The following PSMA8 variants were observed in gnomAD, a reference collection of about 807,000 sequenced individuals.
PSMA8 encodes the protein proteasome 20S subunit alpha 8, also known as proteasome subunit alpha-type 8.
PSMA8 carries 18 observed loss-of-function variants against 32.4 expected under a neutral mutation model. That is an observed-to-expected ratio of 0.56 (90% confidence interval 0.38 to 0.82). PSMA8 has a LOEUF of 0.82. PSMA8 is among the 40% of genes least tolerant of loss of function. The pLI, the probability that PSMA8 is intolerant of heterozygous loss-of-function variation, is 0.00. For missense variants in PSMA8, 298 were observed against 300.7 expected (o/e 0.99, Z 0.07); for synonymous variants, 104 against 98.1 (o/e 1.06, Z -0.36).
At chr18:26,192,211 G>A in intron 6 of PSMA8, 108 bp from the exon 7 acceptor site, 3 of 975,426 alleles carry the variant, frequency 3.1e-6, no homozygotes, top group Non-Finnish European at 4.1e-6. Context: ...AAAATATAAA[G>A]TTGTACATAG....
Position 26,134,144 on chromosome 18 carries a change from C to T in PSMA8, c.102+77C>T, listed in dbSNP as rs554862503. 12 of 1,036,310 alleles carry T rather than the reference C, an allele frequency of 1.2e-5. No individual in the cohort carries two copies. In the South Asian group the frequency reaches 1.3e-4, roughly 11 times the overall value. The allele number at this position is 1,036,310 out of a possible 1,614,324, so 64.2% of individuals were successfully genotyped here. A position where few individuals can be genotyped will look rare whatever the true frequency, so the allele number is the denominator to read the frequency against. ...TCGTTACCCTGCTGCCCCAGCCCACCTTTCCATCCTAGGAGCTCAAGAGAG... is the reference window on the plus strand; with the variant it reads ...TCGTTACCCTGCTGCCCCAGCCCACTTTTCCATCCTAGGAGCTCAAGAGAG... On this transcript the variant is annotated intron_variant, in intron 1 of 6. Transcript: ENST00000415576.
intron 1 of PSMA8, among the ~76,000 whole-genome samples, chr18:26,137,485 G>A (rs2054921486): frequency 6.6e-6 from 1 of 152,180 alleles, no homozygotes; most frequent in South Asian, 2.1e-4. Context: ...GCTTCAGAGA[G>A]TTGATGTGAA....
intron 1 of PSMA8, among the ~76,000 whole-genome samples, chr18:26,137,813 G>A (rs1285692452): frequency 1.3e-5 from 2 of 152,196 alleles, no homozygotes; most frequent in African/African-American, 4.8e-5. Flanking sequence ...AAACCCGAAT[G>A]AGTATTAGAG....
chr18:26,141,713 CTTT>C (rs1011733993), intron 1 of PSMA8, among the ~76,000 whole-genome samples: 2 of 109,994 alleles, frequency 1.8e-5, no homozygotes, highest in Non-Finnish European at 3.6e-5. Context: ...TTTCTTTTTT[CTTT>C]TTTTTTTTTT....
At chr18:26,157,994 A>G in intron 3 of PSMA8, 128 bp from the exon 4 acceptor site, 3 of 656,866 alleles carry the variant, frequency 4.6e-6, no homozygotes, top group Non-Finnish European at 4.9e-6. Context: ...AAGGGTTAGG[A>G]AAAAGATCAT....
At chr18:26,177,525 T>C (rs2055273628) in intron 4 of PSMA8, among the ~76,000 whole-genome samples, 1 of 152,206 alleles carries the variant, frequency 6.6e-6, no homozygotes, top group African/African-American at 2.4e-5. Context: ...AAGTGTTCTG[T>C]TAATATAAAA....
intron 6 of PSMA8, among the ~76,000 whole-genome samples, chr18:26,189,720 A>G (rs560400161): frequency 2.0e-5 from 3 of 152,370 alleles, no homozygotes; most frequent in Admixed American, 6.5e-5. Context: ...TACAACCACC[A>G]TGAAGAATAG....
At chr18:26,155,639 C>A (rs1021184418) in intron 3 of PSMA8, among the ~76,000 whole-genome samples, 3 of 152,126 alleles carry the variant, frequency 2.0e-5, no homozygotes, top group East Asian at 3.8e-4. Context: ...TCACCATATA[C>A]AAAAATCTAC....
At chr18:26,166,850 T>C (rs2055184422) in intron 4 of PSMA8, among the ~76,000 whole-genome samples, 1 of 152,364 alleles carries the variant, frequency 6.6e-6, no homozygotes, top group South Asian at 2.1e-4. Flanking sequence ...GCAAAAATTA[T>C]AATTTTGGAA....
chr18:26,178,985 G>A lies in PSMA8; in HGVS notation c.597+36G>A, dbSNP rs762149268. 4 of 1,605,270 alleles carry A rather than the reference G, an allele frequency of 2.5e-6. No individual in the cohort carries two copies. The East Asian group carries it at 8.9e-5, about 36-fold the overall frequency. ...TAATAAAGCATATTCAGGAAATCAT[G>A]AATTTTTTTTCCTCATCCATTTTTG... On this transcript the variant is annotated intron_variant, in intron 5 of 6. Transcript: ENST00000415576.
Position 26,144,689 on chromosome 18 carries a change from C to T in PSMA8, c.229+4C>T, listed in dbSNP as rs760444970. On this transcript the variant is annotated splice_donor_region_variant and intron_variant, in intron 2 of 6. Coordinates refer to ENST00000415576, the MANE Select transcript of PSMA8 (RefSeq NM_001025096.2). ...CATGTCTGCATGGCTTTTGCAGGTA[C>T]TTAAGGTCCTACAATAATGATGCAT... The T allele has an allele frequency of 6.2e-7, 1 of 1,613,502 alleles. No homozygotes were observed.
intron 2 of PSMA8, among the ~76,000 whole-genome samples, chr18:26,147,210 C>CAAAAAAAAAAAAAAA (rs57358976): frequency 2.1e-5 from 1 of 48,256 alleles, no homozygotes. Flanking sequence ...CACCCTGTCT[C>CAAAAAAAAAAAAAAA]AAAAAAAAAA....
chr18:26,146,344 C>T (rs1053665066), intron 2 of PSMA8, among the ~76,000 whole-genome samples: 1 of 152,004 alleles, frequency 6.6e-6, no homozygotes, highest in Admixed American at 6.6e-5. Context: ...GCTTGGGCAA[C>T]TGAGCAAGAT....
chr18:26,183,496 G>A (rs1466267947), intron 6 of PSMA8, among the ~76,000 whole-genome samples: 1 of 150,834 alleles, frequency 6.6e-6, no homozygotes, highest in Non-Finnish European at 1.5e-5. Flanking sequence ...CAAGACTTTA[G>A]TGGAGGAAGT....
intron 3 of PSMA8, among the ~76,000 whole-genome samples, chr18:26,156,022 G>T (rs2055086012): frequency 6.6e-6 from 1 of 152,094 alleles, no homozygotes; most frequent in Non-Finnish European, 1.5e-5. Flanking sequence ...TGCAAAAGAA[G>T]AAATACAAAT....
At chr18:26,177,719 T>G (rs1282262166) in intron 4 of PSMA8, among the ~76,000 whole-genome samples, 1 of 152,040 alleles carries the variant, frequency 6.6e-6, no homozygotes, top group Non-Finnish European at 1.5e-5. Context: ...TGCTTAAGAG[T>G]CAAAGATGAT....
intron 2 of PSMA8, among the ~76,000 whole-genome samples, chr18:26,147,031 A>G (rs12960532): frequency 0.052 from 7,871 of 151,924 alleles, 226 homozygotes; most frequent in East Asian, 0.12. Flanking sequence ...CACTTAAACA[A>G]TCAGATCTCG....
rs530579898 is a variant in PSMA8 at position 26,141,107 on chromosome 18, C to G, written c.103-3452C>G. On this transcript the variant is annotated intron_variant, in intron 1 of 6. Coordinates refer to ENST00000415576, the MANE Select transcript of PSMA8 (RefSeq NM_001025096.2). ...AATTATTTGTTTAAAATAACCAAAT[C>G]TTGGTATTATTTATCAGTTTTGTTG... Among the ~76,000 whole-genome samples, 4 of 152,088 alleles carry G rather than the reference C, an allele frequency of 2.6e-5. No individual in the cohort carries two copies. In the South Asian group the frequency reaches 8.3e-4, roughly 32 times the overall value.
At chr18:26,144,727 T>TACTAC (rs2054988890) in intron 2 of PSMA8, 42 bp downstream of exon 2, 2 of 1,600,292 alleles carry the variant, frequency 1.2e-6, no homozygotes, top group Non-Finnish European at 1.7e-6. Flanking sequence ...TGTCTTACTG[T>TACTAC]AGTAGGGCAA....
Sources: allele counts gnomAD v4.1 joint callset (sites outside exome capture counted in the v4.1 genomes callset), GRCh38; gene constraint gnomAD v4.1.1; transcripts MANE v1.5; gene names NCBI Gene and HGNC (gene_info 2026-07-23, HGNC 2026-07-21).